PHYHIPL: variants seen among roughly 807,000 people sequenced by gnomAD.
PHYHIPL encodes phytanoyl-CoA 2-hydroxylase interacting protein like, also known as phytanoyl-CoA hydroxylase-interacting protein-like.
In PHYHIPL, 9 loss-of-function variants were observed where a neutral mutation model predicts 33.4. The observed-to-expected ratio is 0.27, with a 90% CI of 0.16 to 0.47. PHYHIPL has a LOEUF of 0.47. PHYHIPL is among the 20% of genes least tolerant of loss of function. The pLI, the probability that PHYHIPL is intolerant of heterozygous loss-of-function variation, is 0.99. For synonymous variants in PHYHIPL, 153 were observed against 154.1 expected (o/e 0.99, Z 0.05); for missense variants, 365 against 460.7 (o/e 0.79, Z 1.90).
chr10:59,219,193 A>G (rs1259724402), intron 1 of PHYHIPL: 15 of 867,252 alleles, frequency 1.7e-5, no homozygotes, highest in Non-Finnish European at 1.9e-5. Context: ...ATTGTCCTGC[A>G]TATATTCATA....
At chr10:59,204,472 C>T (rs570715621) in intron 1 of PHYHIPL, among the ~76,000 whole-genome samples, 4 of 152,150 alleles carry the variant, frequency 2.6e-5, no homozygotes, top group Non-Finnish European at 5.9e-5. Flanking sequence ...TCCTGTCAGT[C>T]GAACTAGAAT....
chr10:59,183,792 T>C, intron 1 of PHYHIPL: 1 of 433,054 alleles, frequency 2.3e-6, no homozygotes, highest in Non-Finnish European at 3.1e-6. Context: ...GGATTGTGCA[T>C]ATACACCATT....
At chr10:59,236,713 T>A (rs1252105584) in intron 3 of PHYHIPL, 56 bp downstream of exon 3, 27 of 1,380,606 alleles carry the variant, frequency 2.0e-5, no homozygotes, top group Non-Finnish European at 2.4e-5. Flanking sequence ...GAAAGCTAAT[T>A]ATAGAAAAAT....
intron 2 of PHYHIPL, among the ~76,000 whole-genome samples, chr10:59,235,607 A>T (rs985622773): frequency 6.6e-6 from 1 of 151,796 alleles, no homozygotes; most frequent in Non-Finnish European, 1.5e-5. Context: ...TCTGAGTTCC[A>T]GTTCTGATTA....
At chr10:59,195,883 T>C (rs972297193) in intron 1 of PHYHIPL, among the ~76,000 whole-genome samples, 10 of 152,282 alleles carry the variant, frequency 6.6e-5, no homozygotes, top group African/African-American at 2.2e-4. Flanking sequence ...AGATAATCAA[T>C]TGGACCATGG....
chr10:59,229,330 CATGTATACATCTATAA>C (rs1564456542), intron 1 of PHYHIPL, among the ~76,000 whole-genome samples: 1 of 152,094 alleles, frequency 6.6e-6, no homozygotes, highest in African/African-American at 2.4e-5. Context: ...GGTAAATACA[CATGTATACATCTATAA>C]CGAGAAGAGA....
At chr10:59,187,177 T>C (rs1838632193) in intron 1 of PHYHIPL, among the ~76,000 whole-genome samples, 1 of 152,188 alleles carries the variant, frequency 6.6e-6, no homozygotes, top group African/African-American at 2.4e-5. Flanking sequence ...GCATGAAGTG[T>C]TGTTGAATTT....
Position 59,245,261 on chromosome 10 carries a change from C to T in PHYHIPL, c.801C>T (p.Tyr267=), listed in dbSNP as rs762384942. The part of the protein sequence containing the change: ...EKLFNPNTNL[Y]FGDFYCMYTA... ...TTTTTAACCCCAATACTAACTTATA[C>T]TTTGGGGACTTCTACTGTATGTACA... Residue 267 remains tyrosine, a synonymous_variant, in exon 5 of 5, where the codon TAC becomes TAT. Coordinates refer to ENST00000373880, the MANE Select transcript of PHYHIPL (RefSeq NM_032439.4). The T allele has an allele frequency of 3.7e-6, 6 of 1,613,980 alleles. No homozygotes were observed. Among genetic ancestry groups the T allele is most frequent in the Non-Finnish European group, 4.2e-6 (5 of 1,179,926 alleles).
At chr10:59,186,588 C>A (rs1838612346) in intron 1 of PHYHIPL, among the ~76,000 whole-genome samples, 1 of 152,146 alleles carries the variant, frequency 6.6e-6, no homozygotes, top group Non-Finnish European at 1.5e-5. Context: ...TTGATTCTTC[C>A]TATCCATAAG....
chr10:59,213,600 G>A (rs1038882773), intron 1 of PHYHIPL, among the ~76,000 whole-genome samples: 2 of 152,076 alleles, frequency 1.3e-5, no homozygotes, highest in Non-Finnish European at 2.9e-5. Context: ...TCAAAACTTT[G>A]GTGATTATAA....
intron 4 of PHYHIPL, among the ~76,000 whole-genome samples, chr10:59,240,436 ACATTTTC>A (rs1840358955): frequency 6.6e-6 from 1 of 152,020 alleles, no homozygotes; most frequent in African/African-American, 2.4e-5. Flanking sequence ...GCCTCCTTAA[ACATTTTC>A]AGATAACTTA....
intron 1 of PHYHIPL, among the ~76,000 whole-genome samples, chr10:59,226,291 G>A (rs976844887): frequency 1.3e-5 from 2 of 152,116 alleles, no homozygotes; most frequent in African/African-American, 4.8e-5. Context: ...AAAAGATACA[G>A]ATGAAAATAA....
At chr10:59,235,443 G>C (rs1458733680) in intron 2 of PHYHIPL, among the ~76,000 whole-genome samples, 1 of 151,742 alleles carries the variant, frequency 6.6e-6, no homozygotes, top group Non-Finnish European at 1.5e-5. Context: ...TTGATATTAA[G>C]TTTTAACTTG....
intron 1 of PHYHIPL, among the ~76,000 whole-genome samples, chr10:59,212,850 A>C (rs991922331): frequency 6.6e-6 from 1 of 152,160 alleles, no homozygotes; most frequent in South Asian, 2.1e-4. Flanking sequence ...AATGATAGTC[A>C]CCCCAGTCAC....
intron 1 of PHYHIPL, among the ~76,000 whole-genome samples, chr10:59,220,863 G>A (rs979462413): frequency 6.6e-6 from 1 of 151,928 alleles, no homozygotes; most frequent in African/African-American, 2.4e-5. Context: ...CTGTTAAAAT[G>A]GGGATGGTAG....
At chr10:59,196,858 A>G (rs1031794394) in intron 1 of PHYHIPL, among the ~76,000 whole-genome samples, 9 of 152,252 alleles carry the variant, frequency 5.9e-5, no homozygotes, top group African/African-American at 1.7e-4. Context: ...CAATGTATTC[A>G]AAGATGGATT....
chr10:59,245,695 A>T lies in PHYHIPL; in HGVS notation c.*104A>T, dbSNP rs562408771. On this transcript the variant is annotated 3_prime_UTR_variant, in exon 5 of 5. Transcript: ENST00000373880. ...AGATGTTTTCCACTGAAGCATGCAC[A>T]TGCCACTGTCACCAAAACAAACAAC... 6.3e-6 allele frequency: 8 copies of T among 1,267,020 alleles called. No individual in the cohort carries two copies. Among genetic ancestry groups the T allele is most frequent in the Non-Finnish European group, 8.6e-6 (8 of 925,992 alleles). 78.5% of individuals were successfully genotyped at this position (1,267,020 alleles called of 1,614,324 possible).
At chr10:59,203,519 A>G (rs778938219) in intron 1 of PHYHIPL, among the ~76,000 whole-genome samples, 4 of 152,146 alleles carry the variant, frequency 2.6e-5, no homozygotes, top group African/African-American at 7.2e-5. Flanking sequence ...AACCAACCCA[A>G]ATGTCCATCA....
chr10:59,236,702 G>A lies in PHYHIPL; in HGVS notation c.478+45G>A, dbSNP rs750076471. 2.8e-6 allele frequency: 4 copies of A among 1,439,146 alleles called. No homozygotes were observed. In the Admixed American group the frequency reaches 7.3e-5, roughly 26 times the overall value. The allele number at this position is 1,439,146 out of a possible 1,614,324, so 89.1% of individuals were successfully genotyped here. On this transcript the variant is annotated intron_variant, in intron 3 of 4. Transcript: ENST00000373880. The stretch of plus-strand genomic sequence containing the variant: ...ATATAGAAAAGCTTTAGTTGTTCTG[G>A]GAAAGCTAATTATAGAAAAATATTT...
Sources: allele counts gnomAD v4.1 joint callset (sites outside exome capture counted in the v4.1 genomes callset), GRCh38; gene constraint gnomAD v4.1.1; transcripts MANE v1.5; gene names NCBI Gene and HGNC (gene_info 2026-07-23, HGNC 2026-07-21).